POU6F2: variants seen among roughly 807,000 people sequenced by gnomAD.
The protein encoded by POU6F2 is POU domain, class 6, transcription factor 2.
Under a neutral mutation model 71.3 loss-of-function variants are expected in POU6F2, and 31 were observed. The observed-to-expected ratio is 0.43, with a 90% CI of 0.33 to 0.59. POU6F2 has a LOEUF of 0.59. POU6F2 is among the 20% of genes least tolerant of loss of function. The probability of loss-of-function intolerance (pLI) is 0.04; values close to 1 mark genes in which losing one functional copy is unlikely to be tolerated. For synonymous variants in POU6F2, 347 were observed against 355.7 expected, an observed-to-expected ratio of 0.98 and a Z score of 0.27; for missense variants, 783 against 856.8, an observed-to-expected ratio of 0.91 and a Z score of 1.07.
chr7:39,138,809 G>T (rs1241429685), intron 2 of POU6F2, among the ~76,000 whole-genome samples: 1 of 152,112 alleles, frequency 6.6e-6, no homozygotes, highest in East Asian at 1.9e-4. Flanking sequence ...CCACCAAACT[G>T]GTCCCTGGGA....
intron 4 of POU6F2, among the ~76,000 whole-genome samples, chr7:39,297,196 T>TACACACACACACAC (rs61192418): frequency 2.6e-4 from 36 of 139,092 alleles, no homozygotes; most frequent in East Asian, 1.7e-3. Context: ...CACATACACA[T>TACACACACACACAC]ACACACACAC....
chr7:39,024,166 C>T (rs1490932286), intron 1 of POU6F2, among the ~76,000 whole-genome samples: 1 of 152,070 alleles, frequency 6.6e-6, no homozygotes, highest in Non-Finnish European at 1.5e-5. Context: ...TTGTTTGTAT[C>T]CTCTTTTATT....
intron 1 of POU6F2, among the ~76,000 whole-genome samples, chr7:39,035,088 A>T (rs11980369): frequency 0.05 from 7,532 of 151,224 alleles, 301 homozygotes; most frequent in African/African-American, 0.096. Context: ...GTGTGTATAT[A>T]TATTTTTAAT....
intron 7 of POU6F2, among the ~76,000 whole-genome samples, chr7:39,442,186 T>G (rs751413585): frequency 6.6e-6 from 1 of 152,156 alleles, no homozygotes; most frequent in South Asian, 2.1e-4. Flanking sequence ...GTGTCTGGCA[T>G]TGGTACCAGG....
intron 1 of POU6F2, among the ~76,000 whole-genome samples, chr7:39,008,809 G>A: frequency 2.0e-5 from 3 of 149,730 alleles, no homozygotes; most frequent in African/African-American, 7.4e-5. Flanking sequence ...TTTTTCTCAG[G>A]TTTGTCAAAG....
At chr7:39,110,954 G>A (rs934580077) in intron 2 of POU6F2, among the ~76,000 whole-genome samples, 1 of 152,162 alleles carries the variant, frequency 6.6e-6, no homozygotes, top group Non-Finnish European at 1.5e-5. Flanking sequence ...ACTGATAGTG[G>A]ATTTTGTAAG....
intron 1 of POU6F2, among the ~76,000 whole-genome samples, chr7:39,073,256 G>T (rs567539030): frequency 6.6e-6 from 1 of 151,842 alleles, no homozygotes; most frequent in Non-Finnish European, 1.5e-5. Flanking sequence ...AATTTCAAAG[G>T]CTAGAGATTT....
intron 1 of POU6F2, among the ~76,000 whole-genome samples, chr7:39,024,909 G>A (rs369693342): frequency 6.6e-6 from 1 of 152,120 alleles, no homozygotes; most frequent in Non-Finnish European, 1.5e-5. Context: ...CGTTTTGCCA[G>A]TATTTTATTG....
chr7:39,120,673 G>A (rs1351945484), intron 2 of POU6F2, among the ~76,000 whole-genome samples: 1 of 152,078 alleles, frequency 6.6e-6, no homozygotes, highest in Admixed American at 6.6e-5. Context: ...AATGTAGTAG[G>A]TTAATAACAG....
At chr7:39,015,991 A>T (rs1229066) in intron 1 of POU6F2, among the ~76,000 whole-genome samples, 1,490 of 19,038 alleles carry the variant, frequency 0.078, 22 homozygotes, top group Middle Eastern at 0.17. Context: ...AGATATATAT[A>T]ATATATAGAT....
At chr7:39,251,441 T>A (rs1783913278) in intron 4 of POU6F2, among the ~76,000 whole-genome samples, 1 of 152,178 alleles carries the variant, frequency 6.6e-6, no homozygotes, top group Non-Finnish European at 1.5e-5. Flanking sequence ...GAGCTGGGTC[T>A]CCAGGCCAGA....
At chr7:39,028,801 T>C (rs1289469067) in intron 1 of POU6F2, among the ~76,000 whole-genome samples, 1 of 152,152 alleles carries the variant, frequency 6.6e-6, no homozygotes, top group Non-Finnish European at 1.5e-5. Flanking sequence ...ACTTGGAATA[T>C]TGTAAATTTT....
intron 7 of POU6F2, among the ~76,000 whole-genome samples, chr7:39,443,705 T>A (rs1035204891): frequency 6.6e-6 from 1 of 152,094 alleles, no homozygotes; most frequent in Non-Finnish European, 1.5e-5. Flanking sequence ...AACCCCTGAG[T>A]CAAAAAGTTA....
At chr7:39,115,613 A>G (rs1791912284) in intron 2 of POU6F2, among the ~76,000 whole-genome samples, 1 of 152,302 alleles carries the variant, frequency 6.6e-6, no homozygotes. Flanking sequence ...AACTGTATTT[A>G]CTGACATATT....
At chr7:39,450,541 CCT>C (rs767387848) in intron 7 of POU6F2, among the ~76,000 whole-genome samples, 3 of 152,122 alleles carry the variant, frequency 2.0e-5, no homozygotes, top group Non-Finnish European at 2.9e-5. Context: ...ATTTCCCTTC[CCT>C]CTCTCGTTTC....
rs1034351864 is a variant in POU6F2, at chr7:39,451,617, T to G, written c.1405T>G (p.Ser469Ala). The G allele has an allele frequency of 1.2e-6, 2 of 1,613,606 alleles. No homozygotes were observed. The highest frequency in any genetic ancestry group is 1.7e-6 in the Non-Finnish European group (2 of 1,179,776). ...LHLAHSQASM[S>A]QSPVRQASSS... ...CCTGGCTCACAGCCAAGCATCCATG[T>G]CTCAAAGTCCCGTCCGGCAGGCTTC... Residue 469 changes from serine (S) to alanine (A), a missense_variant, in exon 8 of 10, where the codon TCT becomes GCT. Coordinates refer to ENST00000518318, the MANE Select transcript of POU6F2 (RefSeq NM_001370959.1).
intron 5 of POU6F2, among the ~76,000 whole-genome samples, chr7:39,347,003 G>C (rs569051424): frequency 1.1e-4 from 16 of 152,350 alleles, no homozygotes; most frequent in East Asian, 1.9e-4. Context: ...GTGTGATCTT[G>C]AGAAGCAGAT....
At chr7:39,215,284 G>A (rs553535308) in intron 4 of POU6F2, among the ~76,000 whole-genome samples, 1 of 152,308 alleles carries the variant, frequency 6.6e-6, no homozygotes, top group South Asian at 2.1e-4. Flanking sequence ...GGCGGAAGTT[G>A]CAGTGAGCTG....
chr7:39,129,632 G>T (rs777682857), intron 2 of POU6F2, among the ~76,000 whole-genome samples: 10 of 108,866 alleles, frequency 9.2e-5, no homozygotes, highest in African/African-American at 2.3e-4. Flanking sequence ...TATATAGATA[G>T]ATAGATAGAT....
Sources: allele counts gnomAD v4.1 joint callset (sites outside exome capture counted in the v4.1 genomes callset), GRCh38; gene constraint gnomAD v4.1.1; transcripts MANE v1.5; gene names NCBI Gene and HGNC (gene_info 2026-07-23, HGNC 2026-07-21).